PRELID2: variants seen among roughly 807,000 people sequenced by gnomAD.
PRELID2 encodes the protein PRELI domain-containing protein 2.
A neutral mutation model predicts 28.4 loss-of-function variants in PRELID2; 25 were observed. The ratio of observed to expected loss-of-function variants is 0.88; its 90% CI spans 0.64 to 1.23. The LOEUF (loss-of-function observed/expected upper bound fraction) is 1.23. Among genes scored for constraint, PRELID2 ranks in the 50% most tolerant of loss-of-function variants. The probability of loss-of-function intolerance (pLI) is 0.00; values close to 1 mark genes in which losing one functional copy is unlikely to be tolerated. For missense variants in PRELID2, 201 were observed against 214.4 expected (o/e 0.94, Z 0.39); for synonymous variants, 76 against 71.6 (o/e 1.06, Z -0.31).
chr5:145,570,990 G>A (rs1356923832), intron 1 of PRELID2, among the ~76,000 whole-genome samples: 2 of 152,160 alleles, frequency 1.3e-5, no homozygotes, highest in Non-Finnish European at 2.9e-5. Flanking sequence ...TAAACATGCT[G>A]GGCTCTTAAT....
chr5:145,684,808 T>C (rs1755004082), intron 1 of PRELID2, among the ~76,000 whole-genome samples: 1 of 152,090 alleles, frequency 6.6e-6, no homozygotes, highest in Non-Finnish European at 1.5e-5. Flanking sequence ...GGAGTACAGA[T>C]TGTAGTCATG....
chr5:145,520,573 C>T (rs925650303), intron 1 of PRELID2, among the ~76,000 whole-genome samples: 2 of 152,176 alleles, frequency 1.3e-5, no homozygotes, highest in African/African-American at 4.8e-5. Context: ...TTCCCATACA[C>T]CCATCCCATG....
At chr5:145,552,500 T>C (rs566033913) in intron 1 of PRELID2, among the ~76,000 whole-genome samples, 52 of 152,184 alleles carry the variant, frequency 3.4e-4, no homozygotes, top group Admixed American at 2.9e-3. Flanking sequence ...AGACACACAC[T>C]GTCTCCCCCG....
the PRELID2 span, among the ~76,000 whole-genome samples, chr5:145,364,432 T>C: frequency 1.3e-5 from 2 of 152,040 alleles, no homozygotes; most frequent in African/African-American, 2.4e-5. Flanking sequence ...TACCTTTAAA[T>C]CATCTGTCAT....
Position 145,629,001 on chromosome 5 carries a change from C to T in PRELID2, n.70+135930G>A, listed in dbSNP as rs76722892. Among the ~76,000 whole-genome samples the T allele has an allele frequency of 2.6e-3, 401 of 152,290 alleles. 2 individuals are homozygous for T. The highest frequency in any genetic ancestry group is 9.3e-3 in the African/African-American group (388 of 41,564). On this transcript the variant is annotated intron_variant and non_coding_transcript_variant, in intron 1 of 2. Transcript: ENST00000510259. The stretch of plus-strand genomic sequence containing the variant: ...GCAAGGAAGGTGGTTTGAAAATTTG[C>T]TTCGCCTGAGCTGGCTGAATTTATT...
At chr5:145,831,010 T>C (rs1013437632) in intron 1 of PRELID2, among the ~76,000 whole-genome samples, 2 of 152,180 alleles carry the variant, frequency 1.3e-5, no homozygotes, top group Non-Finnish European at 2.9e-5. Context: ...TGCTTCCCAG[T>C]GATCCTCATA....
At chr5:145,671,963 A>C (rs1252251491) in intron 1 of PRELID2, among the ~76,000 whole-genome samples, 1 of 152,208 alleles carries the variant, frequency 6.6e-6, no homozygotes, top group Non-Finnish European at 1.5e-5. Flanking sequence ...AAATTATAAT[A>C]ATGGTAAAAT....
At chr5:145,480,439 T>A (rs1342920170) in intron 1 of PRELID2, among the ~76,000 whole-genome samples, 1 of 152,074 alleles carries the variant, frequency 6.6e-6, no homozygotes, top group Non-Finnish European at 1.5e-5. Context: ...ACGTGCAAAA[T>A]TTTTTTAAGT....
chr5:145,294,754 A>G, the PRELID2 span, among the ~76,000 whole-genome samples: 1 of 152,170 alleles, frequency 6.6e-6, no homozygotes, highest in Non-Finnish European at 1.5e-5. Flanking sequence ...AGAACCATGA[A>G]TCCCTACAGT....
chr5:145,599,078 C>A (rs79715377), intron 1 of PRELID2, among the ~76,000 whole-genome samples: 2,479 of 152,074 alleles, frequency 0.016, 76 homozygotes, highest in African/African-American at 0.057. Context: ...GTTGTGGGAC[C>A]GAAAGAGCTG....
chr5:145,797,930 T>G (rs1284320465), intron 4 of PRELID2, among the ~76,000 whole-genome samples: 2 of 151,748 alleles, frequency 1.3e-5, no homozygotes, highest in Non-Finnish European at 2.9e-5. Flanking sequence ...ATAACCATCT[T>G]AAAATGCTCC....
At chr5:145,814,909 T>C (rs1012645306) in intron 4 of PRELID2, among the ~76,000 whole-genome samples, 2 of 152,228 alleles carry the variant, frequency 1.3e-5, no homozygotes, top group Non-Finnish European at 2.9e-5. Context: ...AACACGCTCA[T>C]GCGCTGTTGA....
chr5:145,451,566 A>C, the PRELID2 span, among the ~76,000 whole-genome samples: 228 of 152,222 alleles, frequency 1.5e-3, 1 homozygote, highest in African/African-American at 5.3e-3. Flanking sequence ...AGGGTGCTTC[A>C]TTCTGTGTCA....
At chr5:145,336,852 T>C in the PRELID2 span, among the ~76,000 whole-genome samples, 1 of 150,848 alleles carries the variant, frequency 6.6e-6, no homozygotes, top group East Asian at 2.0e-4. Flanking sequence ...CTCAGTAAAC[T>C]ATCGCAAGAA....
the PRELID2 span, chr5:145,450,556 A>G: frequency 1.3e-5 from 2 of 152,192 alleles, no homozygotes; most frequent in South Asian, 2.1e-4. Context: ...GGCCATGACC[A>G]CAAAATCCGC....
intron 1 of PRELID2, among the ~76,000 whole-genome samples, chr5:145,623,431 G>A (rs544239021): frequency 6.7e-6 from 1 of 150,086 alleles, no homozygotes; most frequent in African/African-American, 2.4e-5. Context: ...CTGGGTGATG[G>A]AGCAAAACTC....
At chr5:145,619,255 A>G (rs1424015827) in intron 1 of PRELID2, among the ~76,000 whole-genome samples, 1 of 152,226 alleles carries the variant, frequency 6.6e-6, no homozygotes, top group African/African-American at 2.4e-5. Flanking sequence ...TACAAGACTC[A>G]GCTGGAGGCT....
intron 1 of PRELID2, among the ~76,000 whole-genome samples, chr5:145,691,011 A>T (rs1429073272): frequency 1.3e-5 from 2 of 152,114 alleles, no homozygotes; most frequent in African/African-American, 2.4e-5. Flanking sequence ...CAACAAAGTT[A>T]TGATGAAATA....
the PRELID2 span, among the ~76,000 whole-genome samples, chr5:145,348,156 G>T: frequency 1.3e-5 from 2 of 152,056 alleles, no homozygotes; most frequent in Non-Finnish European, 2.9e-5. Flanking sequence ...ACAAACAAGA[G>T]AAATAAAAAC....
Sources: allele counts gnomAD v4.1 joint callset (sites outside exome capture counted in the v4.1 genomes callset), GRCh38; gene constraint gnomAD v4.1.1; transcripts MANE v1.5; gene names NCBI Gene and HGNC (gene_info 2026-07-23, HGNC 2026-07-21).